The following RANBP2 variants were observed in gnomAD, a reference collection of about 807,000 sequenced individuals.
RANBP2 encodes the protein RAN binding protein 2, also known as E3 SUMO-protein ligase RanBP2.
Under a neutral mutation model 303.6 loss-of-function variants are expected in RANBP2, and 57 were observed. The ratio of observed to expected loss-of-function variants is 0.19; its 90% CI spans 0.15 to 0.23. RANBP2 has a LOEUF of 0.23. RANBP2 is among the 10% of genes least tolerant of loss of function. RANBP2 has a pLI of 1.00. For synonymous variants in RANBP2, 1,167 were observed against 1,301.5 expected (o/e 0.90, Z 2.23); for missense variants, 3,138 against 3,780.8 (o/e 0.83, Z 4.46).
At chr2:109,096,644 G>T in the RANBP2 span, among the ~76,000 whole-genome samples, 1 of 152,146 alleles carries the variant, frequency 6.6e-6, no homozygotes, top group Admixed American at 6.5e-5. Context: ...AAATGTTCAT[G>T]AATATCAAGT....
chr2:109,731,132 C>T, the RANBP2 span, among the ~76,000 whole-genome samples: 97 of 152,174 alleles, frequency 6.4e-4, no homozygotes, highest in African/African-American at 2.3e-3. Flanking sequence ...CACTTTATTA[C>T]CTCCCTAAAT....
chr2:109,521,649 T>G, the RANBP2 span, among the ~76,000 whole-genome samples: 1 of 152,352 alleles, frequency 6.6e-6, no homozygotes, highest in South Asian at 2.1e-4. Flanking sequence ...TATTTGACAC[T>G]TGATGTTTTT....
chr2:109,737,788 A>G, the RANBP2 span, among the ~76,000 whole-genome samples: 1 of 152,204 alleles, frequency 6.6e-6, no homozygotes, highest in South Asian at 2.1e-4. Context: ...GGTGAAATGA[A>G]GTCTCATTGC....
At chr2:109,404,954 G>T in the RANBP2 span, among the ~76,000 whole-genome samples, 1 of 151,716 alleles carries the variant, frequency 6.6e-6, no homozygotes, top group African/African-American at 2.4e-5. Context: ...GTGGAGCCCC[G>T]TCCTGGCCCC....
chr2:109,023,586 T>C, the RANBP2 span, among the ~76,000 whole-genome samples: 1 of 152,146 alleles, frequency 6.6e-6, no homozygotes, highest in South Asian at 2.1e-4. Flanking sequence ...GAGGATCTCT[T>C]GAGGCTAGGA....
At chr2:109,443,319 T>G in the RANBP2 span, among the ~76,000 whole-genome samples, 4 of 152,224 alleles carry the variant, frequency 2.6e-5, no homozygotes, top group South Asian at 8.3e-4. Flanking sequence ...GAGCCAAAAC[T>G]TTCTGCATTG....
the RANBP2 span, among the ~76,000 whole-genome samples, chr2:109,496,847 G>A: frequency 1.1e-4 from 16 of 152,294 alleles, no homozygotes; most frequent in Admixed American, 2.0e-4. Context: ...GAGATTACCC[G>A]GGATTATCCA....
chr2:109,301,354 T>G, the RANBP2 span, among the ~76,000 whole-genome samples: 1,396 of 70,018 alleles, frequency 0.02, 17 homozygotes, highest in South Asian at 0.077. Context: ...GTGTGTGTGT[T>G]TGTGTATGTT....
chr2:109,280,321 A>T, the RANBP2 span, among the ~76,000 whole-genome samples: 1 of 152,186 alleles, frequency 6.6e-6, no homozygotes, highest in African/African-American at 2.4e-5. Context: ...ACTGAGGCCC[A>T]GAGAGGGGGC....
chr2:109,349,315 CCTT>C, the RANBP2 span, among the ~76,000 whole-genome samples: 1 of 152,190 alleles, frequency 6.6e-6, no homozygotes, highest in South Asian at 2.1e-4. Flanking sequence ...GGATTCAACT[CCTT>C]CTCCCTTCCT....
At chr2:109,467,940 C>T in the RANBP2 span, among the ~76,000 whole-genome samples, 2 of 152,216 alleles carry the variant, frequency 1.3e-5, no homozygotes, top group Non-Finnish European at 2.9e-5. Flanking sequence ...TGAACATGCT[C>T]CACCTCCATG....
the RANBP2 span, among the ~76,000 whole-genome samples, chr2:109,576,860 A>G: frequency 3.6e-3 from 555 of 152,336 alleles, 3 homozygotes; most frequent in African/African-American, 0.013. Flanking sequence ...AAGATCTAAC[A>G]TATATTTCAT....
chr2:109,614,883 C>T, the RANBP2 span: 1 of 1,426,782 alleles, frequency 7.0e-7, no homozygotes, highest in African/African-American at 1.5e-5. Context: ...TGGACAGGGC[C>T]GCGAGCTGGG....
At chr2:109,267,789 C>T in the RANBP2 span, among the ~76,000 whole-genome samples, 398 of 152,318 alleles carry the variant, frequency 2.6e-3, 3 homozygotes, top group African/African-American at 3.8e-3. Context: ...GGAGCGAGGC[C>T]GAGTCAAGCC....
chr2:109,194,228 A>G, the RANBP2 span, among the ~76,000 whole-genome samples: 1 of 152,202 alleles, frequency 6.6e-6, no homozygotes, highest in African/African-American at 2.4e-5. Flanking sequence ...CGTTTCAGGA[A>G]CTTAGCATCC....
chr2:108,860,513 G>T, the RANBP2 span, among the ~76,000 whole-genome samples: 2 of 142,142 alleles, frequency 1.4e-5, no homozygotes, highest in Non-Finnish European at 1.6e-5. Flanking sequence ...GGTTGTTGAG[G>T]TTTTTTTTTT....
the RANBP2 span, among the ~76,000 whole-genome samples, chr2:109,263,006 G>T: frequency 1.5e-3 from 226 of 148,006 alleles, 2 homozygotes; most frequent in Admixed American, 3.1e-3. Context: ...CTCGTTTTTT[G>T]TATTTTTTTT....
the RANBP2 span, among the ~76,000 whole-genome samples, chr2:109,406,261 C>T: frequency 6.6e-6 from 1 of 152,186 alleles, no homozygotes; most frequent in East Asian, 1.9e-4. Context: ...GCCAACTCCA[C>T]TATGACACAT....
chr2:109,380,007 A>T, the RANBP2 span, among the ~76,000 whole-genome samples: 1 of 152,176 alleles, frequency 6.6e-6, no homozygotes, highest in South Asian at 2.1e-4. Flanking sequence ...GATTAACGAC[A>T]TAAAGAAATA....
Sources: allele counts gnomAD v4.1 joint callset (sites outside exome capture counted in the v4.1 genomes callset), GRCh38; gene constraint gnomAD v4.1.1; transcripts MANE v1.5; gene names NCBI Gene and HGNC (gene_info 2026-07-23, HGNC 2026-07-21).